Variants in ACSL6 observed in about 807,000 individuals in gnomAD.
The protein encoded by ACSL6 is long-chain-fatty-acid--CoA ligase 6.
In ACSL6, 47 loss-of-function variants were observed where a neutral mutation model predicts 98.2. The ratio of observed to expected loss-of-function variants is 0.48; its 90% CI spans 0.38 to 0.61. ACSL6 has a LOEUF of 0.61. Among genes scored for constraint, ACSL6 ranks in the 20% least tolerant of loss-of-function variants. ACSL6 has a pLI of 0.00. For missense variants in ACSL6, 761 were observed against 913.4 expected, an observed-to-expected ratio of 0.83 and a Z score of 2.15; for synonymous variants, 362 against 336.9, an observed-to-expected ratio of 1.07 and a Z score of -0.82.
intron 2 of ACSL6, 22 bp from the exon 3 acceptor site, chr5:131,990,989 G>C: frequency 6.2e-7 from 1 of 1,611,896 alleles, no homozygotes; most frequent in South Asian, 1.1e-5. Context: ...GCACCGGCCA[G>C]AGAAGTTGGC....
upstream of ACSL6, chr5:132,011,662 G>C (rs1437936849): frequency 5.5e-6 from 7 of 1,261,968 alleles, no homozygotes; most frequent in Non-Finnish European, 6.0e-6. The surrounding 1 kb of genome is among the most constrained non-coding windows in gnomAD (Gnocchi z 5.4). Flanking sequence ...CGCCGCTGCC[G>C]GGTATTTTTA....
intron 9 of ACSL6, among the ~76,000 whole-genome samples, chr5:131,980,960 T>C (rs1753857191): frequency 6.6e-6 from 1 of 152,096 alleles, no homozygotes; most frequent in Non-Finnish European, 1.5e-5. Flanking sequence ...TGTCAACACA[T>C]GCCCCCTTTA....
chr5:132,009,172 G>C (rs947368378), intron 1 of ACSL6, among the ~76,000 whole-genome samples: 5 of 152,184 alleles, frequency 3.3e-5, no homozygotes, highest in Non-Finnish European at 5.9e-5. Context: ...ACAACAGTCA[G>C]CTCCTCCTCC....
At chr5:132,009,354 G>C (rs1755588320) in intron 1 of ACSL6, among the ~76,000 whole-genome samples, 1 of 152,086 alleles carries the variant, frequency 6.6e-6, no homozygotes, top group South Asian at 2.1e-4. Flanking sequence ...GAGTGGAAGG[G>C]ATCTGGCAGC....
chr5:131,976,792 T>C (rs575036506), intron 9 of ACSL6, 71 bp from the exon 10 acceptor site: 6 of 1,335,088 alleles, frequency 4.5e-6, no homozygotes, highest in South Asian at 1.2e-5. Context: ...AGTGCCCAAG[T>C]TGGCAGTCCC....
At chr5:131,954,582 G>T (rs1752300940) in intron 20 of ACSL6, among the ~76,000 whole-genome samples, 2 of 152,132 alleles carry the variant, frequency 1.3e-5, no homozygotes, top group South Asian at 4.1e-4. Context: ...CCAGTCAACA[G>T]AAATGAATTA....
At chr5:131,971,798 G>A (rs1753324617) in intron 13 of ACSL6, among the ~76,000 whole-genome samples, 153 bp from the exon 14 acceptor site, 2 of 152,144 alleles carry the variant, frequency 1.3e-5, no homozygotes, top group Admixed American at 6.5e-5. Context: ...TACAACACAC[G>A]AGCTGAGGAA....
chr5:131,959,473 G>C, intron 20 of ACSL6, 63 bp downstream of exon 20: 1 of 1,541,016 alleles, frequency 6.5e-7, no homozygotes, highest in Non-Finnish European at 9.0e-7. Flanking sequence ...GGTCACCATG[G>C]GTTAATTTAA....
intron 1 of ACSL6, chr5:132,003,559 A>G (rs1186443010): frequency 6.6e-6 from 1 of 152,256 alleles, no homozygotes; most frequent in African/African-American, 2.4e-5. Context: ...GGTCTGTCAC[A>G]TGAAAGGGTT....
intron 20 of ACSL6, 47 bp downstream of exon 20, chr5:131,959,489 A>G: frequency 1.3e-6 from 2 of 1,587,500 alleles, no homozygotes; most frequent in Non-Finnish European, 1.7e-6. Flanking sequence ...TTTAATTTTC[A>G]TCACTGCCTG....
intron 20 of ACSL6, among the ~76,000 whole-genome samples, chr5:131,955,668 G>A (rs1312685864): frequency 6.6e-6 from 1 of 152,186 alleles, no homozygotes; most frequent in Admixed American, 6.5e-5. Context: ...ACCAACCTGA[G>A]TAGCACTGCT....
chr5:131,997,555 G>C (rs1443123185), intron 1 of ACSL6, among the ~76,000 whole-genome samples: 1 of 152,202 alleles, frequency 6.6e-6, no homozygotes, highest in Non-Finnish European at 1.5e-5. Context: ...CCTGTATGAG[G>C]GGACCAGCCA....
chr5:131,984,685 G>T lies in ACSL6; in HGVS notation c.916+722C>A, dbSNP rs143375637. ...AGAGGGTTGTGCCTGTGCTGTGTGT[G>T]TCCTCTTGTGCTTTCTGCCTCCCCC... On this transcript the variant is annotated intron_variant, in intron 9 of 20. Transcript: ENST00000651883. 3.2e-3 allele frequency: 492 copies of T among 154,780 alleles called. 4 individuals carry two copies. The highest frequency in any genetic ancestry group is 0.011 in the African/African-American group (469 of 41,600). The allele number at this position is 154,780 out of a possible 1,614,324, so 9.6% of individuals were successfully genotyped here.
At chr5:132,005,685 C>G (rs1755367774) in intron 1 of ACSL6, among the ~76,000 whole-genome samples, 1 of 152,216 alleles carries the variant, frequency 6.6e-6, no homozygotes, top group South Asian at 2.1e-4. Context: ...GGTGCGTGGG[C>G]AGGAGGAGTC....
At chr5:131,988,673 T>G in intron 6 of ACSL6, 132 bp downstream of exon 6, 1 of 1,589,080 alleles carries the variant, frequency 6.3e-7, no homozygotes, top group Middle Eastern at 1.7e-4. Context: ...GGAGCCACAG[T>G]GTAAGCCCCT....
At chr5:132,009,078 C>A (rs1448761213) in intron 1 of ACSL6, among the ~76,000 whole-genome samples, 1 of 152,226 alleles carries the variant, frequency 6.6e-6, no homozygotes, top group Non-Finnish European at 1.5e-5. Flanking sequence ...CAGGTGAGAT[C>A]TGGGCTGGCC....
chr5:131,990,572 C>G (rs1754449461), intron 3 of ACSL6, among the ~76,000 whole-genome samples: 1 of 152,126 alleles, frequency 6.6e-6, no homozygotes, highest in Non-Finnish European at 1.5e-5. Flanking sequence ...AGCCAGTGGC[C>G]TGGCAGTTCA....
chr5:131,992,413 C>T (rs952754027), intron 2 of ACSL6, among the ~76,000 whole-genome samples: 1 of 152,194 alleles, frequency 6.6e-6, no homozygotes, highest in African/African-American at 2.4e-5. Flanking sequence ...TCTTGCCTCT[C>T]CCATCTCATT....
chr5:131,964,100 G>A (rs1752879566), intron 17 of ACSL6, among the ~76,000 whole-genome samples: 1 of 152,092 alleles, frequency 6.6e-6, no homozygotes. Context: ...TAAATTTCAA[G>A]AATGAATCAT....
Sources: allele counts gnomAD v4.1 joint callset (sites outside exome capture counted in the v4.1 genomes callset), GRCh38; gene constraint gnomAD v4.1.1; non-coding constraint Gnocchi (gnomAD v3.1); transcripts MANE v1.5; gene names NCBI Gene and HGNC (gene_info 2026-07-23, HGNC 2026-07-21).